Variants in ACSF3 observed in about 807,000 individuals in gnomAD.
ACSF3 encodes the protein malonate--CoA ligase ACSF3, mitochondrial.
A neutral mutation model predicts 53.2 loss-of-function variants in ACSF3; 78 were observed. That is an observed-to-expected ratio of 1.47 (90% CI 1.22 to 1.77). The LOEUF is 1.77. ACSF3 is among the 40% of genes most tolerant of loss of function. The pLI, the probability that ACSF3 is intolerant of heterozygous loss-of-function variation, is 0.00. For missense variants in ACSF3, 937 were observed against 771.1 expected (o/e 1.22, Z -2.55); for synonymous variants, 414 against 333.1 (o/e 1.24, Z -2.65).
intron 8 of ACSF3, among the ~76,000 whole-genome samples, chr16:89,141,653 G>A (rs559562244): frequency 6.6e-5 from 10 of 152,372 alleles, no homozygotes; most frequent in African/African-American, 2.2e-4. Flanking sequence ...TCTGTGGGCA[G>A]TGGGAAGTCT....
intron 5 of ACSF3, 38 bp downstream of exon 5, chr16:89,112,284 T>C: frequency 6.2e-7 from 1 of 1,609,794 alleles, no homozygotes; most frequent in Non-Finnish European, 8.5e-7. Context: ...TCAGAAAGTC[T>C]TAAAGATCAA....
chr16:89,142,730 T>TGC (rs1253235804), intron 8 of ACSF3, among the ~76,000 whole-genome samples: 1 of 143,402 alleles, frequency 7.0e-6, no homozygotes, highest in Non-Finnish European at 1.5e-5. Context: ...CAGCCACACC[T>TGC]ATAGACACAC....
At position 89,101,883 on chromosome 16, in the gene ACSF3, G is replaced by A. The variant is rs150363794; in HGVS notation, c.666+536G>A. Among the ~76,000 whole-genome samples the A allele has an allele frequency of 6.8e-3, 1,034 of 152,372 alleles. 4 individuals are homozygous for A. The highest frequency in any genetic ancestry group is 0.011 in the Non-Finnish European group (769 of 68,040). On this transcript the variant is annotated intron_variant, in intron 3 of 10. Coordinates refer to ENST00000614302, the MANE Select transcript of ACSF3 (RefSeq NM_001243279.3). ...GGGGAAGGCAGGAAGTGTACCCCAC[G>A]GAGTCGTGGGCTGACGAGGCGCCAT...
chr16:89,109,063 T>A (rs796303301), intron 4 of ACSF3, among the ~76,000 whole-genome samples: 7 of 151,816 alleles, frequency 4.6e-5, no homozygotes, highest in African/African-American at 1.7e-4. Flanking sequence ...TGAAACCCTG[T>A]CTATACTAAA....
intron 8 of ACSF3, among the ~76,000 whole-genome samples, chr16:89,144,757 C>T (rs1204796193): frequency 6.6e-6 from 1 of 152,218 alleles, no homozygotes; most frequent in African/African-American, 2.4e-5. Flanking sequence ...AGGCCCAGCA[C>T]ACCCTGGCAC....
At chr16:89,135,806 G>A (rs183782644) in intron 8 of ACSF3, among the ~76,000 whole-genome samples, 1 of 152,334 alleles carries the variant, frequency 6.6e-6, no homozygotes, top group Non-Finnish European at 1.5e-5. Flanking sequence ...ACGGAGTCTC[G>A]CTCTGTCGCC....
At chr16:89,140,160 G>A (rs1343352718) in intron 8 of ACSF3, among the ~76,000 whole-genome samples, 1 of 152,178 alleles carries the variant, frequency 6.6e-6, no homozygotes, top group Non-Finnish European at 1.5e-5. Context: ...TGAGCTTCCA[G>A]CACCTTCCCT....
Position 89,155,585 on chromosome 16 carries a change from C to A in ACSF3, c.*1378C>A. ...CCTTGTGCATCCCCATGGCCTGACC[C>A]CGGGAACAGTCAGAGGAAGGGGTCC... On this transcript the variant is annotated 3_prime_UTR_variant, in exon 11 of 11. Transcript: ENST00000614302. The A allele has an allele frequency of 2.2e-6, 1 of 454,118 alleles. No homozygotes were observed. The allele number at this position is 454,118 out of a possible 1,614,324, so 28.1% of individuals were successfully genotyped here.
rs536768888 is a variant in ACSF3, at chr16:89,119,935, C to T, written c.1127-866C>T. ...GACTCAGACATGATAAGCGTTCAGG[C>T]ACTCCCCTGACGCAGGCCAGGGCAA... On this transcript the variant is annotated intron_variant, in intron 6 of 10. Transcript: ENST00000614302. Among the ~76,000 whole-genome samples the T allele has an allele frequency of 1.0e-3, 155 of 152,362 alleles. 1 individual carries two copies. Among genetic ancestry groups the T allele is most frequent in the African/African-American group, 3.6e-3 (150 of 41,594 alleles).
intron 8 of ACSF3, among the ~76,000 whole-genome samples, chr16:89,142,025 T>G (rs1052035376): frequency 1.3e-5 from 2 of 152,196 alleles, no homozygotes; most frequent in African/African-American, 4.8e-5. Context: ...AGCTGCCACT[T>G]TCTCCGGCAC....
intron 1 of ACSF3, among the ~76,000 whole-genome samples, chr16:89,095,537 C>G (rs569148731): frequency 6.7e-6 from 1 of 149,936 alleles, no homozygotes; most frequent in South Asian, 2.1e-4. Context: ...CTCCTCTGCC[C>G]CACGCTCTCA....
intron 2 of ACSF3, among the ~76,000 whole-genome samples, chr16:89,099,944 C>A (rs538514543): frequency 1.7e-4 from 25 of 150,822 alleles, no homozygotes; most frequent in Admixed American, 5.9e-4. Flanking sequence ...GACTTTGGAC[C>A]AGCCTGGGCA....
At chr16:89,105,934 G>C (rs925148917) in intron 4 of ACSF3, among the ~76,000 whole-genome samples, 1 of 152,236 alleles carries the variant, frequency 6.6e-6, no homozygotes, top group African/African-American at 2.4e-5. Flanking sequence ...CAAGGATCTG[G>C]GCTTTCTGGT....
chr16:89,126,267 G>A (rs1383596983), intron 7 of ACSF3, among the ~76,000 whole-genome samples: 1 of 152,018 alleles, frequency 6.6e-6, no homozygotes, highest in Non-Finnish European at 1.5e-5. Context: ...GGGTATGGGG[G>A]GAGAGTTGTT....
intron 6 of ACSF3, chr16:89,114,920 C>T: frequency 1.2e-5 from 4 of 331,878 alleles, no homozygotes; most frequent in South Asian, 7.3e-5. Context: ...GTGTGGTGGG[C>T]AGGGTGGGAT....
chr16:89,123,490 A>C (rs1597998202), intron 7 of ACSF3, among the ~76,000 whole-genome samples: 1 of 152,080 alleles, frequency 6.6e-6, no homozygotes, highest in African/African-American at 2.4e-5. Context: ...ACGTGGCTCA[A>C]GTGAGGCTGT....
chr16:89,100,724 G>T lies in ACSF3; in HGVS notation c.43G>T (p.Ala15Ser). 1 of 1,603,134 alleles carries T rather than the reference G, an allele frequency of 6.2e-7. No homozygotes were observed. Among genetic ancestry groups the T allele is most frequent in the African/African-American group, 1.3e-5 (1 of 74,998 alleles). ...VVLTFRRLGC[A>S]LASCRLAPAR... ...GCTCACCTTCCGGCGCCTGGGCTGCGCCTTGGCGTCCTGCCGGCTGGCGCC... is the reference window on the plus strand; with the variant it reads ...GCTCACCTTCCGGCGCCTGGGCTGCTCCTTGGCGTCCTGCCGGCTGGCGCC... Residue 15 changes from alanine to serine, a missense_variant, in exon 3 of 11, where the codon GCC becomes TCC. Coordinates refer to ENST00000614302, the MANE Select transcript of ACSF3 (RefSeq NM_001243279.3).
At chr16:89,129,957 C>T (rs1908944093) in intron 7 of ACSF3, among the ~76,000 whole-genome samples, 2 of 152,124 alleles carry the variant, frequency 1.3e-5, no homozygotes, top group South Asian at 2.1e-4. Flanking sequence ...TTGTAAACTC[C>T]GTTAGACAAA....
chr16:89,142,401 C>G (rs973643876), intron 8 of ACSF3, among the ~76,000 whole-genome samples: 2 of 152,314 alleles, frequency 1.3e-5, no homozygotes, highest in Non-Finnish European at 2.9e-5. Flanking sequence ...TGGGCAGATA[C>G]TCAGTGCCAC....
Sources: gnomAD v4.1 joint callset for allele counts (sites outside exome capture counted in the v4.1 genomes callset) on GRCh38, gnomAD v4.1.1 for gene constraint, MANE v1.5 for transcripts, NCBI Gene and HGNC (gene_info 2026-07-23, HGNC 2026-07-21) for gene names.